The following PIWIL4 variants were observed in gnomAD, a reference collection of about 807,000 sequenced individuals.
The protein encoded by PIWIL4 is piwi like RNA-mediated gene silencing 4, also known as piwi-like protein 4.
In PIWIL4, 50 loss-of-function variants were observed where a neutral mutation model predicts 100.9. That is an observed-to-expected ratio of 0.50 (90% CI 0.39 to 0.63). The LOEUF is 0.63. PIWIL4 is among the 20% of genes least tolerant of loss of function. The pLI, the probability that PIWIL4 is intolerant of heterozygous loss-of-function variation, is 0.00. For missense variants in PIWIL4, 887 were observed against 1,043.3 expected (o/e 0.85, Z 2.06); for synonymous variants, 342 against 367.5 (o/e 0.93, Z 0.79).
rs1037237415 is a variant in PIWIL4 at position 94,619,973 on chromosome 11, C to T, written c.2295-24C>T. 20 of 1,614,026 alleles carry T rather than the reference C, an allele frequency of 1.2e-5. No individual in the cohort carries two copies. The Admixed American group carries it at 3.3e-4, about 27-fold the overall frequency. ...CTTATTCTGTTTGCCTTCTTTCCTA[C>T]ATTCATTCCATTTTCCCCCTCAGGT... On this transcript the variant is annotated intron_variant, in intron 18 of 19. Coordinates refer to ENST00000299001, the MANE Select transcript of PIWIL4 (RefSeq NM_152431.3).
intron 1 of PIWIL4, among the ~76,000 whole-genome samples, chr11:94,568,192 G>A (rs1197722192): frequency 6.6e-6 from 1 of 152,092 alleles, no homozygotes; most frequent in Non-Finnish European, 1.5e-5. Flanking sequence ...TTCTCATGAA[G>A]TGGTCTTCTC....
intron 8 of PIWIL4, among the ~76,000 whole-genome samples, chr11:94,589,562 G>C (rs1948454142): frequency 6.6e-6 from 1 of 152,090 alleles, no homozygotes; most frequent in Non-Finnish European, 1.5e-5. Context: ...TTATGATGTG[G>C]CCAATTCCTG....
chr11:94,602,960 C>T (rs1238811901), intron 12 of PIWIL4, among the ~76,000 whole-genome samples: 2 of 152,226 alleles, frequency 1.3e-5, no homozygotes, highest in African/African-American at 2.4e-5. Context: ...CAGGCTCTTT[C>T]TCATGTGAAT....
At chr11:94,570,247 A>G (rs949973991) in intron 2 of PIWIL4, among the ~76,000 whole-genome samples, 9 of 152,174 alleles carry the variant, frequency 5.9e-5, no homozygotes, top group Admixed American at 2.6e-4. Context: ...AGTAGTACTA[A>G]GTAGGAGGCT....
At position 94,608,713 on chromosome 11, in the gene PIWIL4, G is replaced by C. The variant is rs755282596; in HGVS notation, c.1943+27G>C. On this transcript the variant is annotated intron_variant, in intron 15 of 19. Transcript: ENST00000299001. ...TACTGCTAAAACTACCTGAACACATGCTTCATTTAGTTAGACTATTAATTG... is the reference window on the plus strand; with the variant it reads ...TACTGCTAAAACTACCTGAACACATCCTTCATTTAGTTAGACTATTAATTG... 1.1e-5 allele frequency: 17 copies of C among 1,561,796 alleles called. No individual in the cohort carries two copies. In the African/African-American group the frequency reaches 2.2e-4, roughly 20 times the overall value.
Position 94,568,571 on chromosome 11 carries a change from G to C in PIWIL4, c.88-159G>C, listed in dbSNP as rs1948106921. On this transcript the variant is annotated intron_variant, in intron 1 of 19. Coordinates refer to ENST00000299001, the MANE Select transcript of PIWIL4 (RefSeq NM_152431.3). ...TAGCGTGTCCTTATCCTCTTTTCTA[G>C]AATGGGCACTCTCTTCTCATCTCTC... is the stretch of plus-strand genomic sequence containing the variant. Among the ~76,000 whole-genome samples the C allele has an allele frequency of 2.6e-5, 4 of 152,288 alleles. No individual in the cohort carries two copies. The South Asian group carries it at 8.3e-4, about 32-fold the overall frequency.
chr11:94,573,797 G>T (rs1948195178), intron 2 of PIWIL4, among the ~76,000 whole-genome samples: 1 of 152,078 alleles, frequency 6.6e-6, no homozygotes, highest in South Asian at 2.1e-4. Context: ...TTTTAAATGT[G>T]CAGTCTTGGG....
chr11:94,586,270 C>T (rs1948397109), intron 6 of PIWIL4, among the ~76,000 whole-genome samples: 1 of 152,062 alleles, frequency 6.6e-6, no homozygotes, highest in African/African-American at 2.4e-5. Context: ...GCTGATTGTA[C>T]TAAACTGCCC....
intron 16 of PIWIL4, 176 bp from the exon 17 acceptor site, chr11:94,617,778 T>A: frequency 1.7e-6 from 1 of 584,254 alleles, no homozygotes; most frequent in Non-Finnish European, 3.0e-6. Context: ...GACAGAGGAA[T>A]GCTCCCTAAA....
At chr11:94,571,553 G>A (rs1337984639) in intron 2 of PIWIL4, among the ~76,000 whole-genome samples, 2 of 152,114 alleles carry the variant, frequency 1.3e-5, no homozygotes, top group Non-Finnish European at 2.9e-5. Context: ...TTCTGTCCTT[G>A]GGATAGTTTG....
At chr11:94,618,128 C>T in intron 17 of PIWIL4, 21 bp downstream of exon 17, 1 of 1,531,604 alleles carries the variant, frequency 6.5e-7, no homozygotes, top group Non-Finnish European at 8.8e-7. Flanking sequence ...ATTGTTCTTT[C>T]CTCCATACTC....
chr11:94,589,332 T>A (rs1948448789), intron 8 of PIWIL4, 100 bp downstream of exon 8: 6 of 955,730 alleles, frequency 6.3e-6, no homozygotes, highest in Non-Finnish European at 9.6e-6. Flanking sequence ...AGGCTGAGTC[T>A]GCCTCCGACC....
chr11:94,568,019 C>T (rs1419513551), intron 1 of PIWIL4, among the ~76,000 whole-genome samples: 1 of 151,740 alleles, frequency 6.6e-6, no homozygotes, highest in Non-Finnish European at 1.5e-5. Flanking sequence ...GATTAAACTA[C>T]TGTTTCTTGA....
intron 4 of PIWIL4, among the ~76,000 whole-genome samples, chr11:94,581,545 T>C (rs1948319217): frequency 6.6e-6 from 1 of 152,174 alleles, no homozygotes; most frequent in African/African-American, 2.4e-5. Flanking sequence ...GAACAGAGAC[T>C]CTTCCATGGA....
Position 94,589,150 on chromosome 11 carries a change from A to T in PIWIL4, c.944A>T (p.Asp315Val). 4 of 1,612,402 alleles carry T rather than the reference A, an allele frequency of 2.5e-6. No individual in the cohort carries two copies. The highest frequency in any genetic ancestry group is 3.4e-6 in the Non-Finnish European group (4 of 1,178,578). Residue 315 changes from aspartate to valine, a missense_variant, in exon 8 of 20, where the codon GAC becomes GTC. Physicochemically the swap from Asp to Val is radical, Grantham distance 152 (BLOSUM62 -3). Around this residue, in one of 2 missense-constraint regions of PIWIL4, gnomAD observed 741 missense variants for 930.0 expected, o/e 0.80. Coordinates refer to ENST00000299001, the MANE Select transcript of PIWIL4 (RefSeq NM_152431.3). The part of the protein sequence containing the change: ...RYNNRTYSID[D>V]IDWSVKPTHT... ...AATAACAGAACCTACTCCATTGATG[A>T]CATTGACTGGTCAGTGAAGCCCACA...
chr11:94,580,400 G>A (rs765054720), intron 4 of PIWIL4, among the ~76,000 whole-genome samples: 1 of 152,022 alleles, frequency 6.6e-6, no homozygotes, highest in Non-Finnish European at 1.5e-5. Context: ...ACTAGTTGAC[G>A]CAATGAACTC....
At chr11:94,617,894 T>G in intron 16 of PIWIL4, 60 bp from the exon 17 acceptor site, 1 of 1,550,504 alleles carries the variant, frequency 6.4e-7, no homozygotes, top group Non-Finnish European at 8.9e-7. Flanking sequence ...TATATGGGAA[T>G]GTTATTTTTT....
intron 4 of PIWIL4, among the ~76,000 whole-genome samples, chr11:94,582,210 CA>C (rs1322666080): frequency 6.6e-6 from 1 of 152,100 alleles, no homozygotes; most frequent in Non-Finnish European, 1.5e-5. Flanking sequence ...CCACTCATCC[CA>C]AAGGATTAAG....
chr11:94,580,655 A>G (rs553326084), intron 4 of PIWIL4, among the ~76,000 whole-genome samples: 39 of 152,350 alleles, frequency 2.6e-4, no homozygotes, highest in African/African-American at 9.1e-4. Context: ...TTACAAATAA[A>G]TACTATGTAA....
Sources: gnomAD v4.1 joint callset for allele counts (sites outside exome capture counted in the v4.1 genomes callset) on GRCh38, gnomAD v4.1.1 for gene constraint, gnomAD v4.1.1 regional missense constraint, MANE v1.5 for transcripts, NCBI Gene and HGNC (gene_info 2026-07-23, HGNC 2026-07-21) for gene names.